GRID1: variants seen among roughly 807,000 people sequenced by gnomAD.
The protein encoded by GRID1 is glutamate receptor ionotropic, delta-1.
A neutral mutation model predicts 98.0 loss-of-function variants in GRID1; 28 were observed. That is an observed-to-expected ratio of 0.29 (90% CI 0.21 to 0.39). The LOEUF (loss-of-function observed/expected upper bound fraction) is 0.39. Among genes scored for constraint, GRID1 ranks in the 10% least tolerant of loss-of-function variants. The pLI, the probability that GRID1 is intolerant of heterozygous loss-of-function variation, is 1.00. For missense variants in GRID1, 1,111 were observed against 1,340.5 expected (o/e 0.83, Z 2.67); for synonymous variants, 553 against 538.5 (o/e 1.03, Z -0.37).
At chr10:85,911,786 T>G (rs1841542858) in intron 5 of GRID1, among the ~76,000 whole-genome samples, 1 of 152,134 alleles carries the variant, frequency 6.6e-6, no homozygotes, top group Non-Finnish European at 1.5e-5. Flanking sequence ...CTGCACAAAG[T>G]TCCCAAGAGG....
intron 4 of GRID1, among the ~76,000 whole-genome samples, chr10:86,132,825 T>G (rs559743881): frequency 6.6e-6 from 1 of 152,342 alleles, no homozygotes; most frequent in East Asian, 1.9e-4. Flanking sequence ...AGGCTGGGCT[T>G]CTATGAAGGA....
chr10:86,135,356 G>A (rs1844908274), intron 4 of GRID1, among the ~76,000 whole-genome samples: 1 of 152,168 alleles, frequency 6.6e-6, no homozygotes, highest in Non-Finnish European at 1.5e-5. Flanking sequence ...GGCAGAACAG[G>A]CCCCCCTGGA....
At chr10:85,840,614 A>G (rs182349511) in intron 8 of GRID1, among the ~76,000 whole-genome samples, 1 of 152,192 alleles carries the variant, frequency 6.6e-6, no homozygotes, top group Non-Finnish European at 1.5e-5. Context: ...AAAGTTTCTT[A>G]AACTGATAAA....
At chr10:86,134,992 T>G (rs1237131547) in intron 4 of GRID1, among the ~76,000 whole-genome samples, 2 of 152,176 alleles carry the variant, frequency 1.3e-5, no homozygotes, top group Non-Finnish European at 2.9e-5. Context: ...TGGCACAGGC[T>G]GGGGCTCAGT....
intron 4 of GRID1, among the ~76,000 whole-genome samples, chr10:86,090,590 T>C (rs1220492696): frequency 6.7e-6 from 1 of 149,060 alleles, no homozygotes; most frequent in Non-Finnish European, 1.5e-5. Context: ...AGAAAGAAGA[T>C]GGGGCTGAAA....
At chr10:85,778,874 T>G (rs769020411) in intron 8 of GRID1, among the ~76,000 whole-genome samples, 1 of 152,084 alleles carries the variant, frequency 6.6e-6, no homozygotes, top group Non-Finnish European at 1.5e-5. Context: ...GGGGCCAATA[T>G]CAGTGCTTAA....
chr10:85,718,644 G>A (rs1207524930), intron 12 of GRID1, among the ~76,000 whole-genome samples: 1 of 152,236 alleles, frequency 6.6e-6, no homozygotes, highest in Non-Finnish European at 1.5e-5. Context: ...TTCAGCCATG[G>A]TGGGAGCATT....
intron 8 of GRID1, among the ~76,000 whole-genome samples, chr10:85,813,594 A>C (rs1842691776): frequency 6.6e-6 from 1 of 151,918 alleles, no homozygotes; most frequent in African/African-American, 2.4e-5. Context: ...ACAATATTAA[A>C]AATGTTTTTT....
chr10:85,842,420 C>T (rs1246917513), intron 8 of GRID1, among the ~76,000 whole-genome samples: 4 of 151,930 alleles, frequency 2.6e-5, no homozygotes, highest in African/African-American at 7.2e-5. Flanking sequence ...CCCCATGACA[C>T]ACATTTACGT....
chr10:86,358,487 G>C (rs190958139), intron 2 of GRID1, among the ~76,000 whole-genome samples: 1 of 152,058 alleles, frequency 6.6e-6, no homozygotes, highest in Non-Finnish European at 1.5e-5. Flanking sequence ...GGCCGGGCAC[G>C]GTGGCTCACA....
intron 2 of GRID1, among the ~76,000 whole-genome samples, chr10:86,222,425 G>A (rs1846270559): frequency 6.6e-6 from 1 of 152,206 alleles, no homozygotes. Flanking sequence ...GCCCAGGGAA[G>A]GGGTGGTGGG....
At chr10:85,921,864 C>A (rs1304388872) in intron 4 of GRID1, among the ~76,000 whole-genome samples, 1 of 152,172 alleles carries the variant, frequency 6.6e-6, no homozygotes, top group Non-Finnish European at 1.5e-5. Context: ...CGAGAGCTTG[C>A]TTTTATTAAC....
chr10:85,752,694 A>G (rs1376426577), intron 8 of GRID1, among the ~76,000 whole-genome samples: 1 of 152,142 alleles, frequency 6.6e-6, no homozygotes, highest in African/African-American at 2.4e-5. Context: ...ATATACTGTT[A>G]TTTTTTCTAC....
intron 15 of GRID1, chr10:85,605,839 C>G (rs1209427750): frequency 6.6e-6 from 1 of 152,216 alleles, no homozygotes; most frequent in Non-Finnish European, 1.5e-5. Flanking sequence ...AAAGAACTCT[C>G]TCTATTTAAT....
At chr10:86,146,069 C>T (rs533207133) in intron 3 of GRID1, among the ~76,000 whole-genome samples, 6 of 152,120 alleles carry the variant, frequency 3.9e-5, no homozygotes, top group South Asian at 2.1e-4. Context: ...GTAATTGAAG[C>T]GAAAGAAGAC....
At position 86,042,952 on chromosome 10, in the gene GRID1, G is replaced by A. The variant is rs537889168; in HGVS notation, c.726+95867C>T. Reference sequence around the variant, plus strand: ...AAGTAAAAATTAGCTGGGCATGGTGGTGTGTGCCTGTATTCCCAGCTACTC... The same window carrying A: ...AAGTAAAAATTAGCTGGGCATGGTGATGTGTGCCTGTATTCCCAGCTACTC... On this transcript the variant is annotated intron_variant, in intron 4 of 15. Coordinates refer to ENST00000327946, the MANE Select transcript of GRID1 (RefSeq NM_017551.3). Among the ~76,000 whole-genome samples the A allele has an allele frequency of 2.6e-5, 4 of 152,146 alleles. No homozygotes were observed. The East Asian group carries it at 5.8e-4, about 22-fold the overall frequency.
intron 2 of GRID1, among the ~76,000 whole-genome samples, chr10:86,362,814 C>G (rs1201287798): frequency 6.6e-6 from 1 of 152,248 alleles, no homozygotes; most frequent in Non-Finnish European, 1.5e-5. Flanking sequence ...CAGGAGGACT[C>G]TCGGCTCAAC....
chr10:86,143,430 G>A (rs1245669856), intron 3 of GRID1, among the ~76,000 whole-genome samples: 1 of 151,656 alleles, frequency 6.6e-6, no homozygotes, highest in East Asian at 1.9e-4. Context: ...TGCTCACACA[G>A]AGAGAACTCC....
chr10:85,767,024 T>C (rs887614605), intron 8 of GRID1, among the ~76,000 whole-genome samples: 12 of 152,162 alleles, frequency 7.9e-5, no homozygotes, highest in Non-Finnish European at 1.6e-4. Context: ...TCTTGTTTCC[T>C]GTAGTCAAAT....
Sources: gnomAD v4.1 joint callset for allele counts (sites outside exome capture counted in the v4.1 genomes callset) on GRCh38, gnomAD v4.1.1 for gene constraint, MANE v1.5 for transcripts, NCBI Gene and HGNC (gene_info 2026-07-23, HGNC 2026-07-21) for gene names.